The following CPB1 variants were observed in gnomAD, a reference collection of about 807,000 sequenced individuals.
The protein encoded by CPB1 is carboxypeptidase B1, also known as carboxypeptidase B.
A neutral mutation model predicts 51.4 loss-of-function variants in CPB1; 53 were observed. The ratio of observed to expected loss-of-function variants is 1.03; its 90% CI spans 0.83 to 1.30. The LOEUF (loss-of-function observed/expected upper bound fraction) is 1.30, where lower values mean the gene tolerates loss of function less well. CPB1 is among the 50% of genes most tolerant of loss of function. The pLI, the probability that CPB1 is intolerant of heterozygous loss-of-function variation, is 0.00. For synonymous variants in CPB1, 189 were observed against 186.9 expected, an observed-to-expected ratio of 1.01 and a Z score of -0.09; for missense variants, 494 against 516.2, an observed-to-expected ratio of 0.96 and a Z score of 0.42.
chr3:148,843,091 G>A (rs931789640), intron 6 of CPB1, among the ~76,000 whole-genome samples: 10 of 152,088 alleles, frequency 6.6e-5, no homozygotes, highest in Non-Finnish European at 1.2e-4. Context: ...CTACGGAGAC[G>A]TGACAAATAA....
chr3:148,844,543 C>T lies in CPB1; in HGVS notation c.642C>T (p.Val214=). 1 of 1,613,932 alleles carries T rather than the reference C, an allele frequency of 6.2e-7. No individual in the cohort carries two copies. Among genetic ancestry groups the T allele is most frequent in the Non-Finnish European group, 8.5e-7 (1 of 1,179,852 alleles). The change falls in exon 7 of 11, where the codon GTC becomes GTT. Residue 214 remains valine (V), a synonymous_variant. Coordinates refer to ENST00000282957, the MANE Select transcript of CPB1 (RefSeq NM_001871.3). ...TTCTCGACAAGTTAGACTTTTATGT[C>T]CTGCCTGTGCTCAATATTGATGGCT... is the stretch of plus-strand genomic sequence containing the variant. ...TELLDKLDFY[V]LPVLNIDGYI...
chr3:148,840,564 A>T, intron 3 of CPB1, 122 bp from the exon 4 acceptor site: 1 of 782,172 alleles, frequency 1.3e-6, no homozygotes, highest in Non-Finnish European at 2.2e-6. Context: ...AGAGGACAAC[A>T]TGAGAATTTA....
At chr3:148,836,465 T>C (rs890190719) in intron 3 of CPB1, among the ~76,000 whole-genome samples, 4 of 152,202 alleles carry the variant, frequency 2.6e-5, no homozygotes, top group African/African-American at 9.6e-5. Flanking sequence ...TCAGCGACCA[T>C]AGATTAACCC....
chr3:148,857,587 A>C (rs749854744), intron 10 of CPB1, 46 bp downstream of exon 10: 13 of 1,455,638 alleles, frequency 8.9e-6, no homozygotes, highest in Non-Finnish European at 1.2e-5. Flanking sequence ...GTGCCTAAAA[A>C]GCCAACGAAA....
At chr3:148,832,463 T>C (rs1054926136) in intron 2 of CPB1, among the ~76,000 whole-genome samples, 5 of 151,576 alleles carry the variant, frequency 3.3e-5, no homozygotes, top group Non-Finnish European at 7.4e-5. Flanking sequence ...GAGACAAAGA[T>C]TCAAGGGAAA....
rs145796651 is a variant in CPB1, at chr3:148,845,095, A to G, written c.778+328A>G. Among the ~76,000 whole-genome samples, 205 of 152,244 alleles carry G rather than the reference A, an allele frequency of 1.3e-3. 4 individuals carry two copies. In the East Asian group the frequency reaches 0.034, roughly 25 times the overall value. ...ACATAAAATCGTAATGCAATTAAGA[A>G]TGATCATAGTAATAATTTTTTCATG... On this transcript the variant is annotated intron_variant, in intron 8 of 10. Transcript: ENST00000282957.
Position 148,860,060 on chromosome 3 carries a change from G to T in CPB1, c.*58G>T. ...TCATTTTTCATTTCTTTTCTTTCTT[G>T]AATTCTTATTTTGGTTTGCCTGGAT... On this transcript the variant is annotated 3_prime_UTR_variant, in exon 11 of 11. Transcript: ENST00000282957. 1 of 1,541,220 alleles carries T rather than the reference G, an allele frequency of 6.5e-7. No individual in the cohort carries two copies. Among genetic ancestry groups the T allele is most frequent in the South Asian group, 1.2e-5 (1 of 82,838 alleles).
chr3:148,829,426 A>T (rs1576565197), intron 2 of CPB1, among the ~76,000 whole-genome samples: 1 of 152,182 alleles, frequency 6.6e-6, no homozygotes, highest in Non-Finnish European at 1.5e-5. Flanking sequence ...ATAGAACACT[A>T]TGAGCTTATA....
chr3:148,844,504 C>A lies in CPB1; in HGVS notation c.603C>A (p.Ile201=), dbSNP rs142008836. ...REAVRTYGRE[I]QVTELLDKLD... Reference sequence around the variant, plus strand: ...CTGTTCGTACCTATGGACGTGAGATCCAAGTGACAGAGCTTCTCGACAAGT... The same window carrying A: ...CTGTTCGTACCTATGGACGTGAGATACAAGTGACAGAGCTTCTCGACAAGT... The change falls in exon 7 of 11, where the codon ATC becomes ATA. Residue 201 remains isoleucine, a synonymous_variant. Transcript: ENST00000282957. 6.2e-7 allele frequency: 1 copy of A among 1,613,824 alleles called. No individual in the cohort carries two copies. Among genetic ancestry groups the A allele is most frequent in the Admixed American group, 1.7e-5 (1 of 59,982 alleles).
chr3:148,859,575 C>T (rs545847811), intron 10 of CPB1, among the ~76,000 whole-genome samples: 2 of 152,284 alleles, frequency 1.3e-5, no homozygotes, highest in East Asian at 3.9e-4. Context: ...TTACAGATTA[C>T]GTACTTTCTG....
In CPB1 at chr3:148,828,069, A is replaced by C. The variant is rs1188793617; in HGVS notation, c.139A>C (p.Thr47Pro). 2 of 1,613,646 alleles carry C rather than the reference A, an allele frequency of 1.2e-6. No individual in the cohort carries two copies. Among genetic ancestry groups the C allele is most frequent in the Non-Finnish European group, 1.7e-6 (2 of 1,179,688 alleles). Residue 47 changes from threonine to proline, a missense_variant, in exon 2 of 11, where the codon ACG (threonine) becomes CCG (proline). Thr to Pro is a conservative substitution (Grantham distance 38). Transcript: ENST00000282957. ...HINIIRELASTTQIDFWKPDS... is the reference protein window; with the variant it reads ...HINIIRELASPTQIDFWKPDS... ...TAACATAATCCGCGAGTTGGCCAGC[A>C]CGACCCAGGTAAGTAACAATTTTGA...
chr3:148,858,770 C>T (rs1576575813), intron 10 of CPB1, among the ~76,000 whole-genome samples: 1 of 152,176 alleles, frequency 6.6e-6, no homozygotes, highest in East Asian at 1.9e-4. Flanking sequence ...ATCTGGAAGG[C>T]ACATTCCACA....
intron 4 of CPB1, 24 bp downstream of exon 4, chr3:148,840,809 C>T (rs774083449): frequency 6.2e-7 from 1 of 1,613,140 alleles, no homozygotes; most frequent in South Asian, 1.1e-5. Flanking sequence ...ATGATTTAGA[C>T]AGATATTACT....
chr3:148,834,284 A>G (rs1490745798), intron 2 of CPB1, among the ~76,000 whole-genome samples: 1 of 152,212 alleles, frequency 6.6e-6, no homozygotes, highest in East Asian at 1.9e-4. Context: ...GTTCATTGAT[A>G]ATCAATCAAG....
At chr3:148,859,699 G>C in intron 10 of CPB1, 116 bp from the exon 11 acceptor site, 1 of 936,290 alleles carries the variant, frequency 1.1e-6, no homozygotes, top group Non-Finnish European at 1.6e-6. Flanking sequence ...TAGAAAATTG[G>C]CCTACTCAAA....
intron 2 of CPB1, among the ~76,000 whole-genome samples, 193 bp downstream of exon 2, chr3:148,828,270 T>C (rs1712632596): frequency 6.6e-6 from 1 of 152,218 alleles, no homozygotes; most frequent in Non-Finnish European, 1.5e-5. Flanking sequence ...CCCTGTAGTA[T>C]TATAAATCCA....
chr3:148,840,761 T>C lies in CPB1; in HGVS notation c.348T>C (p.Tyr116=). The part of the protein sequence containing the change: ...DSRVRATGHS[Y]EKYNKWETIE... ...GGGTTCGTGCAACAGGACACAGTTA[T>C]GAGAAGTACAACAAGTGGGAAACGG... Residue 116 remains tyrosine (Y), a synonymous_variant, in exon 4 of 11, where the codon TAT becomes TAC. Transcript: ENST00000282957. The C allele has an allele frequency of 6.2e-7, 1 of 1,614,170 alleles. No homozygotes were observed. Among genetic ancestry groups the C allele is most frequent in the Non-Finnish European group, 8.5e-7 (1 of 1,180,000 alleles).
chr3:148,834,141 T>C (rs1024580766), intron 2 of CPB1, among the ~76,000 whole-genome samples: 3 of 152,198 alleles, frequency 2.0e-5, no homozygotes, highest in African/African-American at 7.2e-5. Flanking sequence ...TCATCATTCA[T>C]CTGGCACATA....
At chr3:148,827,928 T>C in intron 1 of CPB1, 34 bp downstream of exon 1, 1 of 1,611,432 alleles carries the variant, frequency 6.2e-7, no homozygotes, top group Non-Finnish European at 8.5e-7. Flanking sequence ...CAAGTCCTTC[T>C]TCCTTGCTAG....
Sources: allele counts gnomAD v4.1 joint callset (sites outside exome capture counted in the v4.1 genomes callset), GRCh38; gene constraint gnomAD v4.1.1; transcripts MANE v1.5; gene names NCBI Gene and HGNC (gene_info 2026-07-23, HGNC 2026-07-21).